Variants in SCHIP1 observed in about 807,000 individuals in gnomAD.
SCHIP1 encodes schwannomin-interacting protein 1.
In SCHIP1, 8 loss-of-function variants were observed where a neutral mutation model predicts 29.7. The ratio of observed to expected loss-of-function variants is 0.27; its 90% confidence interval spans 0.16 to 0.49. The LOEUF (loss-of-function observed/expected upper bound fraction) is 0.49. Among genes scored for constraint, SCHIP1 ranks in the 20% least tolerant of loss-of-function variants. The pLI, the probability that SCHIP1 is intolerant of heterozygous loss-of-function variation, is 0.99. For synonymous variants in SCHIP1, 76 were observed against 94.9 expected (o/e 0.80, Z 1.16); for missense variants, 193 against 294.6 (o/e 0.66, Z 2.52).
At chr3:159,660,850 G>T in the SCHIP1 span, among the ~76,000 whole-genome samples, 4 of 152,132 alleles carry the variant, frequency 2.6e-5, no homozygotes, top group Non-Finnish European at 4.4e-5. Context: ...GAAAAGGAAA[G>T]AAATCAGCCC....
chr3:159,844,402 T>G (rs1410207611), intron 1 of SCHIP1, among the ~76,000 whole-genome samples: 1 of 152,230 alleles, frequency 6.6e-6, no homozygotes, highest in South Asian at 2.1e-4. Flanking sequence ...TTCATGGTTG[T>G]TTGTTTTGTT....
At chr3:159,692,609 T>C in the SCHIP1 span, among the ~76,000 whole-genome samples, 1 of 152,342 alleles carries the variant, frequency 6.6e-6, no homozygotes, top group East Asian at 1.9e-4. Flanking sequence ...CTGGTTATTC[T>C]AGTTAGCAAT....
the SCHIP1 span, among the ~76,000 whole-genome samples, chr3:159,480,267 T>A: frequency 6.6e-6 from 1 of 152,126 alleles, no homozygotes; most frequent in African/African-American, 2.4e-5. Flanking sequence ...TGTATGAGTA[T>A]GTGGTTATAA....
At chr3:159,725,276 T>C in the SCHIP1 span, among the ~76,000 whole-genome samples, 34 of 150,428 alleles carry the variant, frequency 2.3e-4, no homozygotes, top group Non-Finnish European at 4.4e-4. Context: ...TTTTTCTTTT[T>C]TTTTTTTTTT....
the SCHIP1 span, among the ~76,000 whole-genome samples, chr3:159,375,282 G>C: frequency 1.3e-5 from 2 of 152,166 alleles, no homozygotes; most frequent in African/African-American, 4.8e-5. Flanking sequence ...GCCCAGGAGG[G>C]GCTCCAGAGG....
At chr3:159,328,459 A>C in the SCHIP1 span, among the ~76,000 whole-genome samples, 1 of 152,214 alleles carries the variant, frequency 6.6e-6, no homozygotes, top group African/African-American at 2.4e-5. Context: ...CAGTGGTCAA[A>C]TATAGTAGGA....
chr3:159,673,380 G>A, the SCHIP1 span, among the ~76,000 whole-genome samples: 1 of 152,200 alleles, frequency 6.6e-6, no homozygotes, highest in African/African-American at 2.4e-5. Flanking sequence ...AGCCATGTAT[G>A]TCTGTGACTT....
the SCHIP1 span, among the ~76,000 whole-genome samples, chr3:159,490,915 T>C: frequency 9.2e-5 from 14 of 152,228 alleles, no homozygotes; most frequent in Non-Finnish European, 1.5e-4. Context: ...ATTTTTAAGA[T>C]ACTTCTCAAC....
the SCHIP1 span, among the ~76,000 whole-genome samples, chr3:159,712,855 AGAAAGAG>A: frequency 6.6e-6 from 1 of 151,086 alleles, no homozygotes; most frequent in African/African-American, 2.4e-5. Context: ...AAAGAGAGAG[AGAAAGAG>A]AGAGAGAAAG....
the SCHIP1 span, among the ~76,000 whole-genome samples, chr3:159,628,269 C>T: frequency 4.6e-5 from 7 of 152,136 alleles, no homozygotes; most frequent in South Asian, 2.1e-4. Flanking sequence ...AAGCTTGGAA[C>T]GAGCTGTGAG....
the SCHIP1 span, among the ~76,000 whole-genome samples, chr3:159,561,333 G>A: frequency 2.0e-5 from 3 of 152,172 alleles, no homozygotes; most frequent in Admixed American, 2.0e-4. Context: ...CCACCCCACT[G>A]GGTTTTCCTC....
At chr3:159,483,399 G>A in the SCHIP1 span, among the ~76,000 whole-genome samples, 4 of 152,136 alleles carry the variant, frequency 2.6e-5, no homozygotes, top group Admixed American at 6.5e-5. Context: ...CTAAACATTG[G>A]CATGTGACAT....
chr3:159,644,901 A>C, the SCHIP1 span, among the ~76,000 whole-genome samples: 1 of 152,084 alleles, frequency 6.6e-6, no homozygotes, highest in Non-Finnish European at 1.5e-5. Context: ...TCCTGCCTCC[A>C]AGGATCTAAC....
At chr3:159,860,083 C>T (rs1713872760) in intron 1 of SCHIP1, among the ~76,000 whole-genome samples, 1 of 152,108 alleles carries the variant, frequency 6.6e-6, no homozygotes, top group African/African-American at 2.4e-5. Flanking sequence ...ACCAGTGTCT[C>T]AGCAACCCCT....
At chr3:159,671,157 C>T in the SCHIP1 span, among the ~76,000 whole-genome samples, 2 of 152,180 alleles carry the variant, frequency 1.3e-5, no homozygotes, top group African/African-American at 4.8e-5. Context: ...CCCTCCCTCA[C>T]TGATACTTCA....
At chr3:159,680,674 A>G in the SCHIP1 span, among the ~76,000 whole-genome samples, 1 of 79,652 alleles carries the variant, frequency 1.3e-5, no homozygotes, top group Non-Finnish European at 2.1e-5. Flanking sequence ...TATATATTAT[A>G]TATATAATAT....
At chr3:159,288,585 A>G in the SCHIP1 span, among the ~76,000 whole-genome samples, 4,236 of 152,278 alleles carry the variant, frequency 0.028, 198 homozygotes, top group African/African-American at 0.097. Flanking sequence ...TAAAAATACA[A>G]TATTAGCTGG....
the SCHIP1 span, among the ~76,000 whole-genome samples, chr3:159,489,950 TATCAG>T: frequency 6.6e-6 from 1 of 152,030 alleles, no homozygotes; most frequent in Non-Finnish European, 1.5e-5. Flanking sequence ...CACACCAAAT[TATCAG>T]CTCTAGTTAC....
At chr3:159,792,661 G>T in the SCHIP1 span, among the ~76,000 whole-genome samples, 2 of 152,172 alleles carry the variant, frequency 1.3e-5, no homozygotes, top group Non-Finnish European at 2.9e-5. Flanking sequence ...CAGTTCCCTT[G>T]CTCATCTCTA....
Sources: gnomAD v4.1 joint callset for allele counts (sites outside exome capture counted in the v4.1 genomes callset) on GRCh38, gnomAD v4.1.1 for gene constraint, MANE v1.5 for transcripts, NCBI Gene and HGNC (gene_info 2026-07-23, HGNC 2026-07-21) for gene names.